The following EPHA5 variants were observed in gnomAD, a reference collection of about 807,000 sequenced individuals.
The protein encoded by EPHA5 is ephrin type-A receptor 5.
In EPHA5, 60 loss-of-function variants were observed where a neutral mutation model predicts 105.0. The observed-to-expected ratio is 0.57, with a 90% CI of 0.46 to 0.71. The LOEUF is 0.71. Ranked by LOEUF, EPHA5 falls within the 30% of genes least tolerant of loss-of-function variation. The pLI is 0.00. For synonymous variants in EPHA5, 513 were observed against 449.1 expected, an observed-to-expected ratio of 1.14 and a Z score of -1.80; for missense variants, 1,218 against 1,274.7, an observed-to-expected ratio of 0.96 and a Z score of 0.68.
intron 4 of EPHA5, 38 bp from the exon 5 acceptor site, chr4:65,490,750 G>A (rs376226283): frequency 8.1e-5 from 128 of 1,584,672 alleles, no homozygotes; most frequent in Middle Eastern, 1.7e-4. Context: ...CATATTTTAA[G>A]ATGGTATTAA....
intron 3 of EPHA5, among the ~76,000 whole-genome samples, chr4:65,598,140 T>C (rs1426681333): frequency 6.6e-6 from 1 of 152,180 alleles, no homozygotes; most frequent in Non-Finnish European, 1.5e-5. Context: ...TTAAATGTCA[T>C]CATGTAATAT....
chr4:65,564,067 C>T (rs1311041221), intron 3 of EPHA5, among the ~76,000 whole-genome samples: 1 of 144,828 alleles, frequency 6.9e-6, no homozygotes, highest in Non-Finnish European at 1.5e-5. Flanking sequence ...CTATGCTTCA[C>T]ACAGTTTTAA....
At chr4:65,591,457 T>C (rs1272329754) in intron 3 of EPHA5, among the ~76,000 whole-genome samples, 2 of 151,818 alleles carry the variant, frequency 1.3e-5, no homozygotes, top group East Asian at 3.9e-4. Context: ...ATTTAAAAAA[T>C]AGTTTTCTGT....
At chr4:65,410,707 A>G (rs545812288) in intron 7 of EPHA5, among the ~76,000 whole-genome samples, 8 of 152,344 alleles carry the variant, frequency 5.3e-5, no homozygotes, top group Non-Finnish European at 7.4e-5. Context: ...GGTAAAGTGT[A>G]TAAGAGTGGT....
At chr4:65,553,667 A>T (rs1738131645) in intron 3 of EPHA5, among the ~76,000 whole-genome samples, 1 of 152,084 alleles carries the variant, frequency 6.6e-6, no homozygotes, top group Non-Finnish European at 1.5e-5. Context: ...GTAGCTGTAC[A>T]AAGTGCTAAA....
chr4:65,365,812 C>A, intron 10 of EPHA5, 120 bp downstream of exon 10: 4 of 1,035,834 alleles, frequency 3.9e-6, no homozygotes, highest in Non-Finnish European at 5.6e-6. Context: ...TTACATATCA[C>A]TTTGAATGCA....
At chr4:65,475,734 A>T (rs901795143) in intron 5 of EPHA5, among the ~76,000 whole-genome samples, 8 of 152,174 alleles carry the variant, frequency 5.3e-5, no homozygotes, top group African/African-American at 1.9e-4. Context: ...AGCCACACGA[A>T]TGTTTGATGA....
At chr4:65,433,187 T>A (rs774458662) in intron 5 of EPHA5, among the ~76,000 whole-genome samples, 26 of 152,236 alleles carry the variant, frequency 1.7e-4, no homozygotes, top group Non-Finnish European at 3.2e-4. Context: ...GTTTTTGACA[T>A]AGTTCTGTAT....
At chr4:65,482,582 G>A (rs1730483043) in intron 5 of EPHA5, among the ~76,000 whole-genome samples, 1 of 152,058 alleles carries the variant, frequency 6.6e-6, no homozygotes, top group Non-Finnish European at 1.5e-5. Context: ...CAGTACTCTA[G>A]CATGCAGAGA....
At chr4:65,399,052 G>A (rs1447848332) in intron 8 of EPHA5, among the ~76,000 whole-genome samples, 1 of 152,192 alleles carries the variant, frequency 6.6e-6, no homozygotes, top group African/African-American at 2.4e-5. Flanking sequence ...AAGGAGAGAA[G>A]AGTGGCAACC....
intron 3 of EPHA5, among the ~76,000 whole-genome samples, chr4:65,503,231 C>A (rs1560615953): frequency 6.6e-6 from 1 of 151,794 alleles, no homozygotes; most frequent in East Asian, 1.9e-4. Flanking sequence ...GTAATATATC[C>A]GTGTACCAAC....
chr4:65,522,277 G>T (rs185530999), intron 3 of EPHA5, among the ~76,000 whole-genome samples: 6 of 140,506 alleles, frequency 4.3e-5, no homozygotes, highest in East Asian at 2.0e-4. Flanking sequence ...ATTGATCATT[G>T]TAAATGAACT....
intron 8 of EPHA5, among the ~76,000 whole-genome samples, chr4:65,394,449 G>T (rs763006008): frequency 6.6e-6 from 1 of 152,068 alleles, no homozygotes; most frequent in Non-Finnish European, 1.5e-5. Context: ...CTTTCCAAGA[G>T]GAAAAAAGTC....
chr4:65,588,432 T>C (rs981039880), intron 3 of EPHA5, among the ~76,000 whole-genome samples: 2 of 152,168 alleles, frequency 1.3e-5, no homozygotes, highest in African/African-American at 4.8e-5. Context: ...CCATTCCCTG[T>C]AAGTGCAGAT....
At chr4:65,495,834 G>A in intron 3 of EPHA5, among the ~76,000 whole-genome samples, 1 of 152,114 alleles carries the variant, frequency 6.6e-6, no homozygotes, top group East Asian at 1.9e-4. Flanking sequence ...ATATTTTTAT[G>A]TATTTAAAAC....
At chr4:65,463,620 T>C (rs1728328236) in intron 5 of EPHA5, among the ~76,000 whole-genome samples, 1 of 152,130 alleles carries the variant, frequency 6.6e-6, no homozygotes, top group African/African-American at 2.4e-5. Flanking sequence ...AGTAATTGTG[T>C]TGCCTTTAAC....
chr4:65,494,319 C>T (rs1418746396), intron 4 of EPHA5, among the ~76,000 whole-genome samples: 4 of 152,126 alleles, frequency 2.6e-5, no homozygotes, highest in African/African-American at 9.7e-5. Flanking sequence ...AAAATCTTCA[C>T]TGCTTCTTTA....
At position 65,460,778 on chromosome 4, in the gene EPHA5, G is replaced by T. The variant is rs147680637; in HGVS notation, c.1402+29599C>A. On this transcript the variant is annotated intron_variant, in intron 5 of 16. Transcript: ENST00000613740. ...CTCATTGAAACTGTAATGGTGAAAA[G>T]GATTTGTATGTGTGTTGGTATATGC... Among the ~76,000 whole-genome samples the T allele has an allele frequency of 3.3e-5, 5 of 151,838 alleles. No homozygotes were observed. In the South Asian group the frequency reaches 6.2e-4, roughly 19 times the overall value.
intron 6 of EPHA5, among the ~76,000 whole-genome samples, chr4:65,415,506 C>G (rs1016365828): frequency 1.3e-5 from 2 of 151,852 alleles, no homozygotes; most frequent in South Asian, 4.1e-4. Flanking sequence ...ATTTACCATT[C>G]CTTTTGTAAT....
Sources: gnomAD v4.1 joint callset for allele counts (sites outside exome capture counted in the v4.1 genomes callset) on GRCh38, gnomAD v4.1.1 for gene constraint, MANE v1.5 for transcripts, NCBI Gene and HGNC (gene_info 2026-07-23, HGNC 2026-07-21) for gene names.